The following STX8 variants were observed in gnomAD, a reference collection of about 807,000 sequenced individuals.
The protein encoded by STX8 is syntaxin 8.
STX8 carries 23 observed loss-of-function variants against 37.5 expected under a neutral mutation model. The observed-to-expected ratio is 0.61, with a 90% confidence interval of 0.44 to 0.87. The LOEUF is 0.87. Ranked by LOEUF, STX8 falls within the 40% of genes least tolerant of loss-of-function variation. The pLI, the probability that STX8 is intolerant of heterozygous loss-of-function variation, is 0.00. For synonymous variants in STX8, 115 were observed against 99.1 expected, an observed-to-expected ratio of 1.16 and a Z score of -0.95; for missense variants, 313 against 284.7, an observed-to-expected ratio of 1.10 and a Z score of -0.71.
intron 7 of STX8, among the ~76,000 whole-genome samples, chr17:9,297,671 C>T (rs2142172692): frequency 6.6e-6 from 1 of 152,196 alleles, no homozygotes; most frequent in South Asian, 2.1e-4. Context: ...AGTTCAAAAC[C>T]ACCCTGGGCA....
Position 9,378,648 on chromosome 17 carries a change from T to C in STX8, c.547A>G (p.Ile183Val). 1 of 1,612,714 alleles carries C rather than the reference T, an allele frequency of 6.2e-7. No homozygotes were observed. The highest frequency in any genetic ancestry group is 8.5e-7 in the Non-Finnish European group (1 of 1,178,864). Residue 183 changes from isoleucine to valine, a missense_variant, in exon 7 of 8, where the codon ATT becomes GTT. Physicochemically the swap from Ile to Val is conservative, Grantham distance 29. Transcript: ENST00000306357. ...TCCACTAGGTTGGCAAGGTCGTCAATTATCTCTAGAAAGGAAACATACATG... is the reference window on the plus strand; with the variant it reads ...TCCACTAGGTTGGCAAGGTCGTCAACTATCTCTAGAAAGGAAACATACATG... ...GNELDEQNEIIDDLANLVENT... is the reference protein window; with the variant it reads ...GNELDEQNEIVDDLANLVENT...
intron 7 of STX8, among the ~76,000 whole-genome samples, chr17:9,254,613 C>G (rs962363402): frequency 2.0e-5 from 3 of 152,094 alleles, no homozygotes; most frequent in Non-Finnish European, 4.4e-5. Flanking sequence ...CCAGGCTGGT[C>G]TCGAACTCCT....
At chr17:9,528,964 G>A (rs1905689799) in intron 4 of STX8, among the ~76,000 whole-genome samples, 1 of 152,048 alleles carries the variant, frequency 6.6e-6, no homozygotes, top group East Asian at 1.9e-4. Context: ...ATGAAGTGGG[G>A]ATCGGGCAGA....
At chr17:9,435,322 C>A (rs1319714377) in intron 6 of STX8, among the ~76,000 whole-genome samples, 2 of 152,024 alleles carry the variant, frequency 1.3e-5, no homozygotes, top group Non-Finnish European at 2.9e-5. Flanking sequence ...CTAAAAAAGG[C>A]TAGAGCACAG....
chr17:9,418,205 G>A (rs949282903), intron 6 of STX8, among the ~76,000 whole-genome samples: 1 of 152,168 alleles, frequency 6.6e-6, no homozygotes, highest in Non-Finnish European at 1.5e-5. Flanking sequence ...CTGTAGCACA[G>A]CCAAGTGGTG....
chr17:9,487,492 A>G (rs112583890), intron 6 of STX8, among the ~76,000 whole-genome samples: 6,263 of 152,064 alleles, frequency 0.041, 457 homozygotes, highest in African/African-American at 0.14. Context: ...CTTGGCAGGG[A>G]TATACTTTTT....
At chr17:9,293,840 C>A (rs975655167) in intron 7 of STX8, among the ~76,000 whole-genome samples, 2 of 151,818 alleles carry the variant, frequency 1.3e-5, no homozygotes, top group Non-Finnish European at 2.9e-5. Context: ...TGGCTCACTG[C>A]AAGCTCCGCC....
chr17:9,389,277 A>C (rs1191771565), intron 6 of STX8, among the ~76,000 whole-genome samples: 5 of 152,232 alleles, frequency 3.3e-5, no homozygotes, highest in African/African-American at 9.6e-5. Context: ...TTCCCTAACC[A>C]CAGTCTATTA....
At position 9,253,887 on chromosome 17, in the gene STX8, A is replaced by G. The variant is rs556405663; in HGVS notation, c.644-3242T>C. Among the ~76,000 whole-genome samples the G allele has an allele frequency of 2.0e-5, 3 of 152,286 alleles. No homozygotes were observed. In the East Asian group the frequency reaches 5.8e-4, roughly 29 times the overall value. On this transcript the variant is annotated intron_variant, in intron 7 of 7. Coordinates refer to ENST00000306357, the MANE Select transcript of STX8 (RefSeq NM_004853.3). ...ACAACAACTGATTGGGAAGAAGAAA[A>G]CACACATCTGGTTTTGGTTCATACA...
At position 9,387,755 on chromosome 17, in the gene STX8, C is replaced by A. The variant is rs116259572; in HGVS notation, c.542-9102G>T. On this transcript the variant is annotated intron_variant, in intron 6 of 7. Coordinates refer to ENST00000306357, the MANE Select transcript of STX8 (RefSeq NM_004853.3). ...TGCGTGATGCATCAACGCCACAATA[C>A]ATAATACAAAATTCAGGGCTAATAG... Among the ~76,000 whole-genome samples, 1,269 of 152,270 alleles carry A rather than the reference C, an allele frequency of 8.3e-3. 17 individuals carry two copies. The highest frequency in any genetic ancestry group is 0.028 in the African/African-American group (1,169 of 41,522).
intron 1 of STX8, among the ~76,000 whole-genome samples, chr17:9,574,541 T>A (rs568657512): frequency 1.1e-3 from 68 of 63,308 alleles, no homozygotes; most frequent in African/African-American, 2.5e-3. Flanking sequence ...TGGGGTTTTT[T>A]ATTTTTTTTT....
chr17:9,368,387 C>T (rs1213972035), intron 7 of STX8, among the ~76,000 whole-genome samples: 2 of 152,080 alleles, frequency 1.3e-5, no homozygotes, highest in Admixed American at 1.3e-4. Context: ...GCCTGCAGTC[C>T]CAGCTACTCG....
intron 7 of STX8, among the ~76,000 whole-genome samples, chr17:9,345,848 C>CATTTTTTT (rs1910512340): frequency 1.9e-5 from 1 of 52,076 alleles, no homozygotes; most frequent in African/African-American, 6.8e-5. Context: ...TTATGCATTC[C>CATTTTTTT]TTTTTTTTTT....
intron 4 of STX8, among the ~76,000 whole-genome samples, chr17:9,541,485 A>T (rs1032270503): frequency 6.6e-6 from 1 of 152,172 alleles, no homozygotes; most frequent in African/African-American, 2.4e-5. Context: ...GTATTTATAA[A>T]GGTCTTAGAG....
chr17:9,542,242 C>G (rs1906304870), intron 4 of STX8, among the ~76,000 whole-genome samples: 1 of 152,052 alleles, frequency 6.6e-6, no homozygotes, highest in South Asian at 2.1e-4. Context: ...CCTGTGATCC[C>G]AGCTACTCGG....
intron 7 of STX8, among the ~76,000 whole-genome samples, chr17:9,367,194 T>C (rs978164775): frequency 3.3e-5 from 5 of 151,826 alleles, no homozygotes; most frequent in African/African-American, 1.2e-4. Context: ...TTGGTTTTGC[T>C]TTTTTTCCCT....
chr17:9,340,588 A>T (rs1490120854), intron 7 of STX8, among the ~76,000 whole-genome samples: 1 of 151,736 alleles, frequency 6.6e-6, no homozygotes, highest in Non-Finnish European at 1.5e-5. Flanking sequence ...AGTTATCTTG[A>T]AAGGCAGGCT....
In STX8 at chr17:9,357,999, A is replaced by C. The variant is rs147997032; in HGVS notation, c.643+20553T>G. On this transcript the variant is annotated intron_variant, in intron 7 of 7. Coordinates refer to ENST00000306357, the MANE Select transcript of STX8 (RefSeq NM_004853.3). ...AAGAAAACTGGTTTGCATGCTGCTA[A>C]GATGACCGAACACAAAAACATCTTT... Among the ~76,000 whole-genome samples, 123 of 152,340 alleles carry C rather than the reference A, an allele frequency of 8.1e-4. 1 individual carries two copies. In the East Asian group the frequency reaches 0.022, roughly 28 times the overall value.
chr17:9,366,176 G>A (rs771276683), intron 7 of STX8, among the ~76,000 whole-genome samples: 3 of 152,128 alleles, frequency 2.0e-5, no homozygotes, highest in African/African-American at 4.8e-5. Flanking sequence ...TGCCTTCTTC[G>A]AATCTATTTC....
Sources: gnomAD v4.1 joint callset for allele counts (sites outside exome capture counted in the v4.1 genomes callset) on GRCh38, gnomAD v4.1.1 for gene constraint, MANE v1.5 for transcripts, NCBI Gene and HGNC (gene_info 2026-07-23, HGNC 2026-07-21) for gene names.